Variants in E4F1 observed in about 807,000 individuals in gnomAD.
E4F1 encodes the protein transcription factor E4F1.
E4F1 carries 30 observed loss-of-function variants against 72.9 expected under a neutral mutation model. The ratio of observed to expected loss-of-function variants is 0.41; its 90% CI spans 0.31 to 0.56. E4F1 has a LOEUF of 0.56. Ranked by LOEUF, E4F1 falls within the 20% of genes least tolerant of loss-of-function variation. The pLI is 0.25. For synonymous variants in E4F1, 542 were observed against 478.2 expected, an observed-to-expected ratio of 1.13 and a Z score of -1.74; for missense variants, 1,091 against 1,117.5, an observed-to-expected ratio of 0.98 and a Z score of 0.34.
rs760412256 is a variant in E4F1 at position 2,223,663 on chromosome 16, C to T, written c.50C>T (p.Ala17Val). Residue 17 changes from alanine to valine, a missense_variant, in exon 1 of 14, where the codon GCC becomes GTC. Physicochemically the swap from Ala to Val is moderately conservative, Grantham distance 64. Transcript: ENST00000301727. ...GTGACGGCCGCTCATACGGCAGAAGCCCAGGCCGAAGCCGGGCGGGAAGCG... is the reference window on the plus strand; with the variant it reads ...GTGACGGCCGCTCATACGGCAGAAGTCCAGGCCGAAGCCGGGCGGGAAGCG... ...VRVTAAHTAE[A>V]QAEAGREAGE... 6.3e-7 allele frequency: 1 copy of T among 1,586,056 alleles called. No homozygotes were observed. Among genetic ancestry groups the T allele is most frequent in the African/African-American group, 1.4e-5 (1 of 71,610 alleles).
At chr16:2,233,723 C>T (rs1223895481) in intron 8 of E4F1, 76 bp downstream of exon 8, 2 of 1,476,350 alleles carry the variant, frequency 1.4e-6, no homozygotes, top group East Asian at 5.0e-5. Flanking sequence ...CCTTCGCCTC[C>T]CTGAAGTGGC....
At chr16:2,227,068 T>C (rs901654238) in intron 1 of E4F1, among the ~76,000 whole-genome samples, 1 of 152,202 alleles carries the variant, frequency 6.6e-6, no homozygotes, top group African/African-American at 2.4e-5. Context: ...TAAGGCAGGG[T>C]CTTGCCCTGT....
In E4F1 at chr16:2,234,600, C is replaced by T. The variant is rs1025181076; in HGVS notation, c.1611C>T (p.His537=). ...CTCCACAGAACGCACAGCAGGTGCA[C>T]TTCAGGACACACCTGGAGGAGAAGC... is the stretch of plus-strand genomic sequence containing the variant. ...RYKTKNAQQV[H]FRTHLEEKPH... Residue 537 remains histidine (H), a synonymous_variant, in exon 11 of 14, where the codon CAC becomes CAT. Coordinates refer to ENST00000301727, the MANE Select transcript of E4F1 (RefSeq NM_004424.5). 3.1e-6 allele frequency: 5 copies of T among 1,597,542 alleles called. No homozygotes were observed. In the South Asian group the frequency reaches 3.4e-5, roughly 11 times the overall value.
chr16:2,233,724 C>G, intron 8 of E4F1, 77 bp downstream of exon 8: 1 of 1,475,738 alleles, frequency 6.8e-7, no homozygotes, highest in Non-Finnish European at 9.1e-7. Context: ...CTTCGCCTCC[C>G]TGAAGTGGCT....
chr16:2,226,342 G>A (rs1396165286), intron 1 of E4F1, among the ~76,000 whole-genome samples: 2 of 152,198 alleles, frequency 1.3e-5, no homozygotes, highest in Non-Finnish European at 2.9e-5. Flanking sequence ...GGGGTAGGGG[G>A]TTCTTCAGTG....
chr16:2,227,692 G>A (rs572317980), intron 1 of E4F1, among the ~76,000 whole-genome samples: 5 of 152,054 alleles, frequency 3.3e-5, no homozygotes, highest in Non-Finnish European at 7.4e-5. Context: ...GTAGAGATGG[G>A]ATTTCACCAT....
At chr16:2,225,706 A>T (rs1029247647) in intron 1 of E4F1, among the ~76,000 whole-genome samples, 2 of 147,578 alleles carry the variant, frequency 1.4e-5, no homozygotes, top group Non-Finnish European at 3.0e-5. Flanking sequence ...TCCCGACCTC[A>T]GGTGATCTGC....
At chr16:2,228,212 T>G in intron 1 of E4F1, 160 bp from the exon 2 acceptor site, 3 of 953,690 alleles carry the variant, frequency 3.1e-6, no homozygotes, top group Admixed American at 2.0e-5. Context: ...GGGATGACCT[T>G]GTTTTGGGCC....
chr16:2,223,798 C>G (rs1239281841), intron 1 of E4F1, 28 bp downstream of exon 1: 1 of 1,534,678 alleles, frequency 6.5e-7, no homozygotes, highest in Admixed American at 2.0e-5. Context: ...GAGGGTGCGG[C>G]CGGGGTGCGG....
At chr16:2,232,103 A>G in intron 3 of E4F1, 68 bp from the exon 4 acceptor site, 1 of 1,581,542 alleles carries the variant, frequency 6.3e-7, no homozygotes, top group Non-Finnish European at 8.6e-7. Context: ...CCTCCCCTGG[A>G]GCCAGCAGTC....
intron 1 of E4F1, among the ~76,000 whole-genome samples, chr16:2,226,255 C>T (rs2093432219): frequency 1.3e-5 from 2 of 152,186 alleles, no homozygotes; most frequent in South Asian, 2.1e-4. Flanking sequence ...GCCCTCATGG[C>T]GAGGAGTCCC....
chr16:2,235,072 TCTGCCCAG>T lies in E4F1; in HGVS notation c.1936-8_1936-1del. On this transcript the variant is annotated splice_acceptor_variant and splice_polypyrimidine_tract_variant and intron_variant, in intron 12 of 13. Coordinates refer to ENST00000301727, the MANE Select transcript of E4F1 (RefSeq NM_004424.5). LOFTEE classifies it high-confidence loss of function. ...AGGCTGACCTCTGTCCTTCTGCCCA[TCTGCCCAG>T]GCCACTGCGGACGATGCGGAGACCA... 1.2e-6 allele frequency: 2 copies of T among 1,612,304 alleles called. No homozygotes were observed. The highest frequency in any genetic ancestry group is 1.7e-6 in the Non-Finnish European group (2 of 1,179,810).
intron 1 of E4F1, among the ~76,000 whole-genome samples, chr16:2,228,092 G>T (rs1156494083): frequency 6.6e-6 from 1 of 152,218 alleles, no homozygotes; most frequent in East Asian, 1.9e-4. Flanking sequence ...GGCAGCCTTA[G>T]CAGGTCCCTG....
At chr16:2,229,763 C>T in intron 3 of E4F1, 88 bp downstream of exon 3, 2 of 1,421,422 alleles carry the variant, frequency 1.4e-6, no homozygotes, top group Admixed American at 1.8e-5. Flanking sequence ...ATGCTCGTCT[C>T]TCCCGAGACC....
In E4F1 at chr16:2,233,363, C is replaced by T. The variant is rs556568778; in HGVS notation, c.1057-75C>T. 50 of 1,433,574 alleles carry T rather than the reference C, an allele frequency of 3.5e-5. No individual in the cohort carries two copies. The Admixed American group carries it at 4.8e-4, about 14-fold the overall frequency. The allele number at this position is 1,433,574 out of a possible 1,614,324, so 88.8% of individuals were successfully genotyped here. A position where few individuals can be genotyped will look rare whatever the true frequency, so the allele number is the denominator to read the frequency against. On this transcript the variant is annotated intron_variant, in intron 7 of 13. Coordinates refer to ENST00000301727, the MANE Select transcript of E4F1 (RefSeq NM_004424.5). ...CTGAGGGTTTGCACAAGGCTCCTGG[C>T]GTGCGTCTGCCCCATGGGGTGGGTG...
intron 1 of E4F1, among the ~76,000 whole-genome samples, chr16:2,224,465 G>A (rs1567294776): frequency 6.6e-6 from 1 of 152,206 alleles, no homozygotes; most frequent in Non-Finnish European, 1.5e-5. Context: ...TCATTTTGGG[G>A]ATGAGGAAAA....
intron 1 of E4F1, among the ~76,000 whole-genome samples, chr16:2,226,521 A>G (rs1041972905): frequency 6.6e-6 from 1 of 152,210 alleles, no homozygotes; most frequent in Non-Finnish European, 1.5e-5. Flanking sequence ...TCCGCCCTCA[A>G]ATTCAACAGT....
At chr16:2,224,838 T>A (rs1252580003) in intron 1 of E4F1, among the ~76,000 whole-genome samples, 1 of 151,928 alleles carries the variant, frequency 6.6e-6, no homozygotes, top group Non-Finnish European at 1.5e-5. Context: ...AGGGTTGGAT[T>A]GGATCTCAGC....
In E4F1 at chr16:2,234,043, C is replaced by T. The variant is rs192315662; in HGVS notation, c.1375+53C>T. 1,896 of 1,536,702 alleles carry T rather than the reference C, an allele frequency of 1.2e-3. 36 individuals carry two copies. In the African/African-American group the frequency reaches 0.021, roughly 17 times the overall value. On this transcript the variant is annotated intron_variant, in intron 9 of 13. Coordinates refer to ENST00000301727, the MANE Select transcript of E4F1 (RefSeq NM_004424.5). ...TGGCAGTGGATGGGCTATAGGTGGC[C>T]GGGGTGCTTCTGGGTGTCCAGGGTG...
Sources: allele counts gnomAD v4.1 joint callset (sites outside exome capture counted in the v4.1 genomes callset), GRCh38; gene constraint gnomAD v4.1.1; transcripts MANE v1.5; gene names NCBI Gene and HGNC (gene_info 2026-07-23, HGNC 2026-07-21).